The following RNGTT variants were observed in gnomAD, a reference collection of about 807,000 sequenced individuals.
RNGTT encodes the protein mRNA-capping enzyme.
A neutral mutation model predicts 79.3 loss-of-function variants in RNGTT; 33 were observed. The observed-to-expected ratio is 0.42, with a 90% CI of 0.32 to 0.56. The LOEUF is 0.56. Ranked by LOEUF, RNGTT falls within the 20% of genes least tolerant of loss-of-function variation. The pLI, the probability that RNGTT is intolerant of heterozygous loss-of-function variation, is 0.17. For synonymous variants in RNGTT, 222 were observed against 235.9 expected, an observed-to-expected ratio of 0.94 and a Z score of 0.54; for missense variants, 497 against 739.1, an observed-to-expected ratio of 0.67 and a Z score of 3.80.
chr6:88,859,523 C>A (rs1781941989), intron 8 of RNGTT, among the ~76,000 whole-genome samples: 1 of 152,184 alleles, frequency 6.6e-6, no homozygotes, highest in Non-Finnish European at 1.5e-5. Flanking sequence ...GCTCTAACCT[C>A]TAAGGAGGTG....
At chr6:88,737,216 C>G (rs1321900858) in intron 13 of RNGTT, among the ~76,000 whole-genome samples, 1 of 152,196 alleles carries the variant, frequency 6.6e-6, no homozygotes, top group Non-Finnish European at 1.5e-5. Context: ...TGGCCATAGA[C>G]TGATTTCTCC....
At chr6:88,658,601 T>TTGTTCCTGGGTGTATC (rs1308651771) in intron 14 of RNGTT, among the ~76,000 whole-genome samples, 2 of 152,190 alleles carry the variant, frequency 1.3e-5, no homozygotes, top group Admixed American at 1.3e-4. Context: ...ATGCAAAGTA[T>TTGTTCCTGGGTGTATC]TGTTCCTGGG....
chr6:88,723,631 A>G lies in RNGTT; in HGVS notation c.1440-45212T>C, dbSNP rs1776780143. Reference sequence around the variant, plus strand: ...AAGTAAAATTGAAAAATTAAAAAGCATTAAAAATTAAAAATTTTGAAAATA... The same window carrying G: ...AAGTAAAATTGAAAAATTAAAAAGCGTTAAAAATTAAAAATTTTGAAAATA... On this transcript the variant is annotated intron_variant, in intron 13 of 15. Coordinates refer to ENST00000369485, the MANE Select transcript of RNGTT (RefSeq NM_003800.5). Among the ~76,000 whole-genome samples the G allele has an allele frequency of 1.3e-5, 2 of 152,238 alleles. 1 individual carries two copies. Among genetic ancestry groups the G allele is most frequent in the South Asian group, 4.1e-4 (2 of 4,832 alleles).
At chr6:88,895,060 A>C (rs1053685902) in intron 6 of RNGTT, among the ~76,000 whole-genome samples, 1 of 152,192 alleles carries the variant, frequency 6.6e-6, no homozygotes, top group African/African-American at 2.4e-5. Flanking sequence ...GAAAATAAAG[A>C]AAAATCGAAA....
At chr6:88,699,362 T>C (rs953463510) in intron 13 of RNGTT, among the ~76,000 whole-genome samples, 3 of 152,160 alleles carry the variant, frequency 2.0e-5, no homozygotes, top group African/African-American at 7.2e-5. Context: ...TTATTCACAG[T>C]AGCCAAAAGG....
chr6:88,645,375 C>A (rs972743443), intron 14 of RNGTT, among the ~76,000 whole-genome samples: 4 of 152,168 alleles, frequency 2.6e-5, no homozygotes, highest in African/African-American at 9.7e-5. Context: ...AATGGAAGAA[C>A]ATTCCATGCT....
At chr6:88,623,930 T>C (rs532423176) in intron 14 of RNGTT, among the ~76,000 whole-genome samples, 34 of 152,076 alleles carry the variant, frequency 2.2e-4, no homozygotes, top group South Asian at 4.2e-4. Flanking sequence ...CTAAAACCAA[T>C]TGAATTTCTA....
intron 8 of RNGTT, among the ~76,000 whole-genome samples, chr6:88,881,110 GA>G (rs1782682889): frequency 6.6e-6 from 1 of 152,080 alleles, no homozygotes. Context: ...GAAATATTAA[GA>G]AAAAAGTTAA....
Position 88,850,518 on chromosome 6 carries a change from C to T in RNGTT, c.1033-692G>A, listed in dbSNP as rs568369620. On this transcript the variant is annotated intron_variant, in intron 9 of 15. Coordinates refer to ENST00000369485, the MANE Select transcript of RNGTT (RefSeq NM_003800.5). Reference sequence around the variant, plus strand: ...TTTGACCTAAAATTATTTTTCTTTCCTCATATTCTTACTAGGAAACCAGAT... The same window carrying T: ...TTTGACCTAAAATTATTTTTCTTTCTTCATATTCTTACTAGGAAACCAGAT... 5.9e-5 allele frequency among the ~76,000 whole-genome samples: 9 copies of T among 151,670 alleles called. No homozygotes were observed. The South Asian group carries it at 8.3e-4, about 14-fold the overall frequency.
At chr6:88,854,304 T>G (rs935197320) in intron 8 of RNGTT, among the ~76,000 whole-genome samples, 2 of 152,184 alleles carry the variant, frequency 1.3e-5, no homozygotes, top group Non-Finnish European at 2.9e-5. Flanking sequence ...AAGTTTTTTA[T>G]GGAGATAATG....
At chr6:88,881,413 C>T (rs1442080736) in intron 8 of RNGTT, among the ~76,000 whole-genome samples, 2 of 151,618 alleles carry the variant, frequency 1.3e-5, no homozygotes, top group African/African-American at 2.4e-5. Context: ...CATCAAAATC[C>T]CAAAACTGCA....
chr6:88,724,766 G>A (rs903077840), intron 13 of RNGTT, among the ~76,000 whole-genome samples: 9 of 152,022 alleles, frequency 5.9e-5, no homozygotes, highest in Non-Finnish European at 1.2e-4. Context: ...TAACTTCCTC[G>A]TAAAGCAACC....
At chr6:88,874,206 TA>T (rs1782443570) in intron 8 of RNGTT, among the ~76,000 whole-genome samples, 1 of 152,132 alleles carries the variant, frequency 6.6e-6, no homozygotes, top group African/African-American at 2.4e-5. Flanking sequence ...CAATACAAGT[TA>T]AATATGTAAA....
chr6:88,929,062 C>T lies in RNGTT; in HGVS notation c.290G>A (p.Cys97Tyr). 6.2e-7 allele frequency: 1 copy of T among 1,611,676 alleles called. No homozygotes were observed. Among genetic ancestry groups the T allele is most frequent in the South Asian group, 1.1e-5 (1 of 90,648 alleles). ...IKLQCKGHGE[C>Y]PTTENTETFI... ...GGTCTCAGTATTCTCAGTGGTAGGGCACTCACCATGTCTAGTAATATAGAA... is the reference window on the plus strand; with the variant it reads ...GGTCTCAGTATTCTCAGTGGTAGGGTACTCACCATGTCTAGTAATATAGAA... Residue 97 changes from cysteine to tyrosine, a missense_variant, in exon 4 of 16, where the codon TGC becomes TAC. Coordinates refer to ENST00000369485, the MANE Select transcript of RNGTT (RefSeq NM_003800.5).
chr6:88,895,434 A>G (rs1562307592), intron 6 of RNGTT, among the ~76,000 whole-genome samples: 1 of 152,168 alleles, frequency 6.6e-6, no homozygotes. Context: ...CATGTACTCA[A>G]AAGATGAATA....
intron 8 of RNGTT, among the ~76,000 whole-genome samples, chr6:88,875,987 C>T (rs1214484660): frequency 6.6e-6 from 1 of 152,122 alleles, no homozygotes; most frequent in Non-Finnish European, 1.5e-5. Context: ...TCACTACAAC[C>T]TCTAGCAAGG....
At chr6:88,910,982 G>A (rs2127945682) in intron 4 of RNGTT, among the ~76,000 whole-genome samples, 1 of 152,270 alleles carries the variant, frequency 6.6e-6, no homozygotes, top group South Asian at 2.1e-4. Context: ...AGATGCTTAT[G>A]GGAGTTCTAA....
At chr6:88,909,463 C>T in intron 4 of RNGTT, among the ~76,000 whole-genome samples, 1 of 152,220 alleles carries the variant, frequency 6.6e-6, no homozygotes, top group Non-Finnish European at 1.5e-5. Flanking sequence ...CCACAACCCA[C>T]TCTTACTGAC....
chr6:88,801,530 A>C (rs763421166), intron 12 of RNGTT, 34 bp downstream of exon 12: 2 of 1,553,438 alleles, frequency 1.3e-6, no homozygotes, highest in Non-Finnish European at 1.8e-6. Flanking sequence ...ACAAACACAC[A>C]AACGAACACA....
Sources: allele counts gnomAD v4.1 joint callset (sites outside exome capture counted in the v4.1 genomes callset), GRCh38; gene constraint gnomAD v4.1.1; transcripts MANE v1.5; gene names NCBI Gene and HGNC (gene_info 2026-07-23, HGNC 2026-07-21).